NEBL: variants seen among roughly 807,000 people sequenced by gnomAD.
NEBL encodes the protein nebulette.
NEBL carries 122 observed loss-of-function variants against 140.2 expected under a neutral mutation model. That is an observed-to-expected ratio of 0.87 (90% confidence interval 0.75 to 1.01). NEBL has a LOEUF of 1.01. Among genes scored for constraint, NEBL ranks in the 50% least tolerant of loss-of-function variants. The probability of loss-of-function intolerance (pLI) is 0.00; values close to 1 mark genes in which losing one functional copy is unlikely to be tolerated. For missense variants in NEBL, 1,365 were observed against 1,231.3 expected (o/e 1.11, Z -1.62); for synonymous variants, 436 against 398.9 (o/e 1.09, Z -1.11).
At chr10:21,138,575 C>G (rs578117948) in intron 2 of NEBL, among the ~76,000 whole-genome samples, 1 of 151,876 alleles carries the variant, frequency 6.6e-6, no homozygotes, top group Non-Finnish European at 1.5e-5. Context: ...GACAGAAACA[C>G]GACAAAAATG....
At chr10:20,971,849 G>A (rs1023166089) in intron 3 of NEBL, among the ~76,000 whole-genome samples, 1 of 151,932 alleles carries the variant, frequency 6.6e-6, no homozygotes, top group African/African-American at 2.4e-5. Context: ...TCCTGACCTC[G>A]TGATCCGCCT....
intron 2 of NEBL, among the ~76,000 whole-genome samples, chr10:20,892,269 A>G (rs1313777364): frequency 6.6e-6 from 1 of 152,226 alleles, no homozygotes; most frequent in African/African-American, 2.4e-5. Context: ...AAGTGCTTCT[A>G]GTGTTTCTGG....
intron 5 of NEBL, among the ~76,000 whole-genome samples, chr10:20,876,318 T>C (rs937643670): frequency 6.6e-6 from 1 of 152,186 alleles, no homozygotes; most frequent in African/African-American, 2.4e-5. Flanking sequence ...TTTAATTTTA[T>C]CACCACCATA....
chr10:20,797,715 TAGAC>T (rs1189786621), intron 26 of NEBL, among the ~76,000 whole-genome samples: 1 of 152,080 alleles, frequency 6.6e-6, no homozygotes, highest in East Asian at 1.9e-4. Context: ...TAAGGATAGT[TAGAC>T]AGGAGCAAGG....
intron 2 of NEBL, among the ~76,000 whole-genome samples, chr10:21,071,086 CACTTGAGCCCAGGA>C (rs1321116938): frequency 2.0e-5 from 3 of 151,796 alleles, no homozygotes; most frequent in Non-Finnish European, 4.4e-5. Context: ...TCAGGAGGAT[CACTTGAGCCCAGGA>C]GCTTGAGGCT....
chr10:21,098,675 G>A (rs576656020), intron 2 of NEBL, among the ~76,000 whole-genome samples: 131 of 152,218 alleles, frequency 8.6e-4, no homozygotes, highest in Middle Eastern at 3.4e-3. Context: ...TTACAGGAGC[G>A]CATAAATACA....
chr10:20,864,355 T>C (rs1472173650), intron 7 of NEBL, among the ~76,000 whole-genome samples: 2 of 152,300 alleles, frequency 1.3e-5, no homozygotes, highest in South Asian at 2.1e-4. Context: ...CTGGCCATAA[T>C]TGTATGTATA....
At chr10:21,281,322 G>T (rs953430170) in intron 1 of NEBL, among the ~76,000 whole-genome samples, 2 of 151,876 alleles carry the variant, frequency 1.3e-5, no homozygotes, top group African/African-American at 4.8e-5. Flanking sequence ...TGGTTTTGGG[G>T]TTTTTTGTGT....
intron 3 of NEBL, among the ~76,000 whole-genome samples, chr10:21,004,711 C>T (rs1838051964): frequency 6.8e-6 from 1 of 147,018 alleles, no homozygotes; most frequent in Non-Finnish European, 1.5e-5. Context: ...CAAAGCGAGA[C>T]TCATCTCAAA....
chr10:21,186,257 A>AACACACACACACACAC (rs765894739), intron 3 of NEBL, among the ~76,000 whole-genome samples: 162 of 124,816 alleles, frequency 1.3e-3, no homozygotes, highest in African/African-American at 3.9e-3. Context: ...TATATATACA[A>AACACACACACACACAC]ACACACACAC....
At chr10:21,004,959 T>C (rs1192450188) in intron 3 of NEBL, among the ~76,000 whole-genome samples, 1 of 152,194 alleles carries the variant, frequency 6.6e-6, no homozygotes, top group East Asian at 1.9e-4. Flanking sequence ...GGCATTTCTA[T>C]GGAGAAACTG....
chr10:21,062,933 G>A (rs1426723445), intron 2 of NEBL, among the ~76,000 whole-genome samples: 2 of 152,120 alleles, frequency 1.3e-5, no homozygotes, highest in African/African-American at 4.8e-5. Context: ...GACACGAGCG[G>A]CCAAGCTGTG....
At chr10:20,870,638 C>G (rs1844828325) in intron 5 of NEBL, among the ~76,000 whole-genome samples, 1 of 152,276 alleles carries the variant, frequency 6.6e-6, no homozygotes, top group South Asian at 2.1e-4. Flanking sequence ...CAACTACACA[C>G]TTCTCTCCCT....
At chr10:21,215,315 A>G (rs1841975314) in intron 3 of NEBL, among the ~76,000 whole-genome samples, 1 of 152,142 alleles carries the variant, frequency 6.6e-6, no homozygotes. Context: ...TCTCTTTTAA[A>G]AAGAGTTTTT....
chr10:21,273,079 C>A (rs1177436166), intron 1 of NEBL, among the ~76,000 whole-genome samples: 1 of 152,144 alleles, frequency 6.6e-6, no homozygotes, highest in Non-Finnish European at 1.5e-5. Flanking sequence ...CTGGAGTCAT[C>A]TACTTGATTG....
intron 2 of NEBL, among the ~76,000 whole-genome samples, chr10:21,089,177 G>A (rs1836791300): frequency 6.6e-6 from 1 of 152,184 alleles, no homozygotes; most frequent in African/African-American, 2.4e-5. Flanking sequence ...GGAGTCTAGA[G>A]GATGCTGACA....
At chr10:20,863,719 C>T (rs1042168316) in intron 7 of NEBL, among the ~76,000 whole-genome samples, 7 of 152,110 alleles carry the variant, frequency 4.6e-5, no homozygotes, top group African/African-American at 1.7e-4. Context: ...GGATCAAAGG[C>T]ATATGAGCCC....
At chr10:21,235,966 A>G (rs1293374794) in intron 3 of NEBL, among the ~76,000 whole-genome samples, 1 of 152,214 alleles carries the variant, frequency 6.6e-6, no homozygotes, top group Admixed American at 6.5e-5. Context: ...CTTTTTAAAA[A>G]ATGATATGTT....
At chr10:21,064,931 G>A (rs570298743) in intron 2 of NEBL, among the ~76,000 whole-genome samples, 26 of 152,136 alleles carry the variant, frequency 1.7e-4, no homozygotes, top group South Asian at 4.2e-4. Flanking sequence ...TTAAGAATGA[G>A]ATAGAAAAAA....
Sources: gnomAD v4.1 joint callset for allele counts (sites outside exome capture counted in the v4.1 genomes callset) on GRCh38, gnomAD v4.1.1 for gene constraint, MANE v1.5 for transcripts, NCBI Gene and HGNC (gene_info 2026-07-23, HGNC 2026-07-21) for gene names.